CCSER1: variants seen among roughly 807,000 people sequenced by gnomAD.
The protein encoded by CCSER1 is serine-rich coiled-coil domain-containing protein 1.
A neutral mutation model predicts 82.0 loss-of-function variants in CCSER1; 41 were observed. The observed-to-expected ratio is 0.50, with a 90% confidence interval of 0.39 to 0.65. The LOEUF (loss-of-function observed/expected upper bound fraction) is 0.65. Among genes scored for constraint, CCSER1 ranks in the 30% least tolerant of loss-of-function variants. The pLI is 0.00. For missense variants in CCSER1, 1,119 were observed against 1,064.2 expected (o/e 1.05, Z -0.72); for synonymous variants, 414 against 383.9 (o/e 1.08, Z -0.92).
intron 10 of CCSER1, among the ~76,000 whole-genome samples, chr4:91,154,447 A>T (rs976022583): frequency 1.3e-5 from 2 of 151,960 alleles, no homozygotes; most frequent in Admixed American, 1.3e-4. Flanking sequence ...TTCCCTGACC[A>T]CTTGCGCTTC....
At chr4:90,474,951 CATGTT>C (rs1186538480) in intron 5 of CCSER1, among the ~76,000 whole-genome samples, 1 of 151,998 alleles carries the variant, frequency 6.6e-6, no homozygotes, top group African/African-American at 2.4e-5. Context: ...GAAATCCTAA[CATGTT>C]ATCTTGAATT....
At chr4:90,426,718 AT>A (rs1327703029) in intron 4 of CCSER1, among the ~76,000 whole-genome samples, 2 of 152,180 alleles carry the variant, frequency 1.3e-5, no homozygotes. Flanking sequence ...GTATGTAAAT[AT>A]TTGAATAATT....
intron 9 of CCSER1, among the ~76,000 whole-genome samples, chr4:91,026,746 T>C (rs1740521752): frequency 6.6e-6 from 1 of 152,050 alleles, no homozygotes; most frequent in Admixed American, 6.6e-5. Flanking sequence ...GTTAATAGCT[T>C]AGTGTAAAGT....
chr4:90,770,142 A>G (rs778082111), intron 7 of CCSER1, among the ~76,000 whole-genome samples: 24 of 152,138 alleles, frequency 1.6e-4, no homozygotes, highest in Non-Finnish European at 3.2e-4. Flanking sequence ...AATTTAGAAA[A>G]TGATCCATCA....
chr4:91,116,986 A>G (rs960559634), intron 10 of CCSER1, among the ~76,000 whole-genome samples: 1 of 152,198 alleles, frequency 6.6e-6, no homozygotes, highest in Non-Finnish European at 1.5e-5. Context: ...ATAAATTTGC[A>G]TATAAAGCCT....
intron 5 of CCSER1, among the ~76,000 whole-genome samples, chr4:90,563,508 A>T (rs1476323252): frequency 6.6e-6 from 1 of 151,756 alleles, no homozygotes; most frequent in Non-Finnish European, 1.5e-5. Context: ...TATGTCAGCA[A>T]TTTTTTTCTA....
At chr4:91,163,325 T>C (rs1450762708) in intron 10 of CCSER1, among the ~76,000 whole-genome samples, 2 of 152,260 alleles carry the variant, frequency 1.3e-5, no homozygotes, top group African/African-American at 4.8e-5. Flanking sequence ...TTCTTTTACA[T>C]TGGCTGAGGA....
At chr4:90,458,305 C>A (rs541968227) in intron 4 of CCSER1, among the ~76,000 whole-genome samples, 2 of 152,292 alleles carry the variant, frequency 1.3e-5, no homozygotes, top group South Asian at 4.1e-4. Flanking sequence ...TCACAGCCAC[C>A]ACTCCACATG....
At chr4:91,405,223 G>T (rs1242914928) in intron 10 of CCSER1, among the ~76,000 whole-genome samples, 2 of 148,098 alleles carry the variant, frequency 1.4e-5, no homozygotes, top group South Asian at 2.1e-4. Flanking sequence ...GCAACCCCTG[G>T]TTTTTTTTTT....
intron 10 of CCSER1, among the ~76,000 whole-genome samples, chr4:91,342,298 T>C (rs6829492): frequency 0.23 from 34,535 of 152,110 alleles, 4,514 homozygotes; most frequent in Middle Eastern, 0.38. Flanking sequence ...GATAGCCTGA[T>C]CTAAAGCTAG....
intron 10 of CCSER1, among the ~76,000 whole-genome samples, chr4:91,319,902 A>G (rs957295150): frequency 2.6e-5 from 4 of 152,002 alleles, no homozygotes; most frequent in Non-Finnish European, 5.9e-5. Context: ...CCAAAATATT[A>G]AATGGAAAAT....
intron 10 of CCSER1, among the ~76,000 whole-genome samples, chr4:91,370,649 T>G (rs1387576570): frequency 6.6e-6 from 1 of 151,746 alleles, no homozygotes; most frequent in Non-Finnish European, 1.5e-5. Context: ...TGAGCCGAGA[T>G]CATGCCATTG....
intron 9 of CCSER1, among the ~76,000 whole-genome samples, chr4:90,991,032 G>T (rs1008908595): frequency 1.3e-5 from 2 of 151,928 alleles, no homozygotes; most frequent in African/African-American, 4.8e-5. Flanking sequence ...TTAGGCAGGT[G>T]TTGGGGCCCA....
At chr4:90,775,181 A>T (rs933890150) in intron 7 of CCSER1, among the ~76,000 whole-genome samples, 1 of 152,272 alleles carries the variant, frequency 6.6e-6, no homozygotes, top group Admixed American at 6.5e-5. Flanking sequence ...TATAGACCAT[A>T]TAAGAATCAT....
At chr4:90,302,133 G>A (rs1300557255) in intron 1 of CCSER1, among the ~76,000 whole-genome samples, 1 of 152,146 alleles carries the variant, frequency 6.6e-6, no homozygotes, top group Non-Finnish European at 1.5e-5. Context: ...CTGAAGTGTT[G>A]AAGCTAAAAC....
At chr4:91,354,758 T>G (rs1271333407) in intron 10 of CCSER1, among the ~76,000 whole-genome samples, 1 of 152,212 alleles carries the variant, frequency 6.6e-6, no homozygotes, top group Non-Finnish European at 1.5e-5. Context: ...CCCATGGCCA[T>G]TGATCTTCTA....
At chr4:91,380,552 A>C (rs1750803863) in intron 10 of CCSER1, among the ~76,000 whole-genome samples, 1 of 152,114 alleles carries the variant, frequency 6.6e-6, no homozygotes, top group East Asian at 1.9e-4. Flanking sequence ...CTGTTTTATC[A>C]GAGACTAGGA....
At chr4:91,487,951 A>G (rs1320872847) in intron 10 of CCSER1, among the ~76,000 whole-genome samples, 1 of 152,048 alleles carries the variant, frequency 6.6e-6, no homozygotes, top group Non-Finnish European at 1.5e-5. Context: ...ATTACTTTTA[A>G]GTTAAATTAT....
intron 9 of CCSER1, among the ~76,000 whole-genome samples, chr4:91,022,718 G>A (rs996995829): frequency 9.2e-5 from 14 of 152,172 alleles, no homozygotes; most frequent in Admixed American, 9.2e-4. Flanking sequence ...GGTGTGAAAT[G>A]ATATCTCATT....
Sources: allele counts gnomAD v4.1 joint callset (sites outside exome capture counted in the v4.1 genomes callset), GRCh38; gene constraint gnomAD v4.1.1; transcripts MANE v1.5; gene names NCBI Gene and HGNC (gene_info 2026-07-23, HGNC 2026-07-21).